EPG5: variants seen among roughly 807,000 people sequenced by gnomAD.
EPG5 encodes the protein ectopic P-granules 5 autophagy tethering factor.
In EPG5, 159 loss-of-function variants were observed where a neutral mutation model predicts 302.7. The ratio of observed to expected loss-of-function variants is 0.53; its 90% CI spans 0.46 to 0.60. EPG5 has a LOEUF of 0.60. EPG5 is among the 20% of genes least tolerant of loss of function. The probability of loss-of-function intolerance (pLI) is 0.00; values close to 1 mark genes in which losing one functional copy is unlikely to be tolerated. For synonymous variants in EPG5, 1,158 were observed against 1,136.8 expected (o/e 1.02, Z -0.37); for missense variants, 2,896 against 3,092.4 (o/e 0.94, Z 1.51).
At chr18:45,802,266 A>G in the EPG5 span, among the ~76,000 whole-genome samples, 3 of 152,168 alleles carry the variant, frequency 2.0e-5, no homozygotes, top group Non-Finnish European at 2.9e-5. Context: ...CACGTCTGTA[A>G]TCCTAGCACT....
chr18:45,837,592 C>A, the EPG5 span: 1 of 1,512,316 alleles, frequency 6.6e-7, no homozygotes, highest in Non-Finnish European at 8.8e-7. Context: ...TGCTGCCCTG[C>A]ACCTTCACGC....
chr18:45,841,280 A>G, the EPG5 span, among the ~76,000 whole-genome samples: 1 of 152,004 alleles, frequency 6.6e-6, no homozygotes, highest in Non-Finnish European at 1.5e-5. Context: ...AGTTCCAGAG[A>G]GCAAGCCCCA....
downstream of EPG5, among the ~76,000 whole-genome samples, chr18:45,846,833 T>C (rs901129810): frequency 2.0e-5 from 3 of 152,206 alleles, no homozygotes; most frequent in Non-Finnish European, 4.4e-5. Flanking sequence ...TTCTTGATTA[T>C]ATGCTAAACA....
At chr18:45,837,612 G>A in the EPG5 span, 1 of 1,509,686 alleles carries the variant, frequency 6.6e-7, no homozygotes. Context: ...CACCCGCACC[G>A]CCACTACGAC....
chr18:45,904,546 T>C (rs2049701389), intron 24 of EPG5, among the ~76,000 whole-genome samples: 1 of 152,144 alleles, frequency 6.6e-6, no homozygotes, highest in African/African-American at 2.4e-5. Flanking sequence ...CATGTTAAAC[T>C]ACACCGTGAA....
chr18:45,941,303 A>T (rs534318919), intron 9 of EPG5, among the ~76,000 whole-genome samples: 1 of 152,320 alleles, frequency 6.6e-6, no homozygotes, highest in African/African-American at 2.4e-5. Flanking sequence ...CTGCTATGTA[A>T]GCTGCGTGAG....
intron 17 of EPG5, 22 bp downstream of exon 17, chr18:45,917,657 G>A (rs1045308197): frequency 6.2e-7 from 1 of 1,613,136 alleles, no homozygotes; most frequent in Middle Eastern, 1.7e-4. Context: ...AGTGTCTCCT[G>A]CCATAGATGG....
intron 1 of EPG5, among the ~76,000 whole-genome samples, chr18:45,960,380 T>C (rs1487085328): frequency 6.6e-6 from 1 of 152,164 alleles, no homozygotes; most frequent in Admixed American, 6.5e-5. Context: ...GCTCAAATGG[T>C]CCTCCTGCCT....
intron 43 of EPG5, among the ~76,000 whole-genome samples, chr18:45,853,652 G>A (rs140757041): frequency 1.8e-4 from 28 of 152,306 alleles, no homozygotes; most frequent in African/African-American, 6.3e-4. Context: ...AAAACCATAA[G>A]AGAGGGGATT....
chr18:45,886,997 A>C (rs1396508060), intron 29 of EPG5, among the ~76,000 whole-genome samples: 1 of 152,154 alleles, frequency 6.6e-6, no homozygotes, highest in Non-Finnish European at 1.5e-5. Context: ...AAAACTTCCT[A>C]CAAAAAAATC....
At chr18:45,904,296 T>C (rs2049696452) in intron 24 of EPG5, among the ~76,000 whole-genome samples, 179 bp from the exon 25 acceptor site, 1 of 152,228 alleles carries the variant, frequency 6.6e-6, no homozygotes, top group Admixed American at 6.5e-5. Flanking sequence ...CTGCAGTAGC[T>C]GTAAAACTTT....
At position 45,935,496 on chromosome 18, in the gene EPG5, C is replaced by T. The variant is rs144350863; in HGVS notation, c.2100-530G>A. Among the ~76,000 whole-genome samples the T allele has an allele frequency of 8.4e-3, 1,285 of 152,238 alleles. 16 individuals are homozygous for T. The highest frequency in any genetic ancestry group is 0.029 in the African/African-American group (1,185 of 41,556). On this transcript the variant is annotated intron_variant, in intron 10 of 43. Coordinates refer to ENST00000282041, the MANE Select transcript of EPG5 (RefSeq NM_020964.3). ...GGTAGAGATTGCAGTAAGCCAAGAT[C>T]GCACCATTGTACTCCAGCCTGGGCA...
chr18:45,864,874 G>A (rs1214686967), intron 39 of EPG5, among the ~76,000 whole-genome samples: 5 of 152,140 alleles, frequency 3.3e-5, no homozygotes, highest in East Asian at 1.9e-4. Context: ...ACCTAACAAC[G>A]AGGCCAAAAC....
chr18:45,868,935 G>A (rs8083287), intron 36 of EPG5, among the ~76,000 whole-genome samples: 18,738 of 151,204 alleles, frequency 0.12, 1,814 homozygotes, highest in East Asian at 0.34. Context: ...GGCACCTGTA[G>A]TCCCAGCTAC....
At chr18:45,925,985 T>C in intron 13 of EPG5, 83 bp from the exon 14 acceptor site, 1 of 928,952 alleles carries the variant, frequency 1.1e-6, no homozygotes, top group Non-Finnish European at 1.4e-6. Context: ...ATTAAACTGC[T>C]TGTAAAAAAA....
chr18:45,922,288 C>T lies in EPG5; in HGVS notation c.3098+53G>A. 1.9e-6 allele frequency: 3 copies of T among 1,583,974 alleles called. No homozygotes were observed. In the South Asian group the frequency reaches 3.5e-5, roughly 18 times the overall value. On this transcript the variant is annotated intron_variant, in intron 16 of 43. Transcript: ENST00000282041. ...AACTTGGGATATGAAACATAAAATTCTAGAACTATCTGCAAGGTTCAGTAA... is the reference window on the plus strand; with the variant it reads ...AACTTGGGATATGAAACATAAAATTTTAGAACTATCTGCAAGGTTCAGTAA...
downstream of EPG5, among the ~76,000 whole-genome samples, chr18:45,846,914 G>A (rs1018142216): frequency 6.6e-6 from 1 of 152,196 alleles, no homozygotes; most frequent in Admixed American, 6.5e-5. Flanking sequence ...GAGAAAGATC[G>A]TTTCTTTCAG....
chr18:45,913,584 G>T, intron 21 of EPG5, 122 bp downstream of exon 21: 2 of 1,228,220 alleles, frequency 1.6e-6, no homozygotes, highest in Admixed American at 2.1e-5. Context: ...TGGTTTGGTT[G>T]TTGAGCTTTC....
intron 14 of EPG5, among the ~76,000 whole-genome samples, chr18:45,925,476 C>CA (rs1196329865): frequency 2.0e-5 from 3 of 149,732 alleles, no homozygotes; most frequent in Non-Finnish European, 3.0e-5. Context: ...CTGTCTCAAA[C>CA]AAAAAAAATA....
Sources: gnomAD v4.1 joint callset for allele counts (sites outside exome capture counted in the v4.1 genomes callset) on GRCh38, gnomAD v4.1.1 for gene constraint, MANE v1.5 for transcripts, NCBI Gene and HGNC (gene_info 2026-07-23, HGNC 2026-07-21) for gene names.